The following BTBD7 variants were observed in gnomAD, a reference collection of about 807,000 sequenced individuals.
BTBD7 encodes BTB/POZ domain-containing protein 7.
A neutral mutation model predicts 99.9 loss-of-function variants in BTBD7; 38 were observed. The observed-to-expected ratio is 0.38, with a 90% CI of 0.29 to 0.50. BTBD7 has a LOEUF of 0.50. Among genes scored for constraint, BTBD7 ranks in the 20% least tolerant of loss-of-function variants. BTBD7 has a pLI of 0.93. For missense variants in BTBD7, 1,170 were observed against 1,394.6 expected, an observed-to-expected ratio of 0.84 and a Z score of 2.57; for synonymous variants, 520 against 511.4, an observed-to-expected ratio of 1.02 and a Z score of -0.23.
In BTBD7 at chr14:93,239,427, A is replaced by G. The variant is rs2052195335; in HGVS notation, c.*2846T>C. 6.6e-6 allele frequency: 1 copy of G among 151,202 alleles called. No individual in the cohort carries two copies. Among genetic ancestry groups the G allele is most frequent in the Non-Finnish European group, 1.5e-5 (1 of 67,852 alleles). 9.4% of individuals were successfully genotyped at this position (151,202 alleles called of 1,614,324 possible). ...TAAAATGCCAGTTCCCATGGCCTAA[A>G]TTTTATTTTATATATATATATGCTT... On this transcript the variant is annotated 3_prime_UTR_variant, in exon 11 of 11. Transcript: ENST00000334746.
At chr14:93,288,355 T>C in intron 3 of BTBD7, 1 of 610,840 alleles carries the variant, frequency 1.6e-6, no homozygotes, top group South Asian at 2.0e-5. Flanking sequence ...TTATTTACTT[T>C]CTAGATTTCC....
At chr14:93,312,249 T>C (rs1357596542) in intron 1 of BTBD7, among the ~76,000 whole-genome samples, 1 of 152,174 alleles carries the variant, frequency 6.6e-6, no homozygotes, top group Non-Finnish European at 1.5e-5. Context: ...CCCACATTCT[T>C]GATAATTAAA....
Position 93,297,295 on chromosome 14 carries a change from T to C in BTBD7, c.-106-1138A>G, listed in dbSNP as rs1349282483. 2.6e-5 allele frequency among the ~76,000 whole-genome samples: 4 copies of C among 152,250 alleles called. No homozygotes were observed. The East Asian group carries it at 7.7e-4, about 29-fold the overall frequency. ...AATATCGTTAACATTTGTGTTTTCC[T>C]ACAATCTTTTATAGACTATATTTAT... On this transcript the variant is annotated intron_variant, in intron 1 of 10. Transcript: ENST00000334746.
At chr14:93,288,647 G>T in intron 3 of BTBD7, 2 of 1,308,802 alleles carry the variant, frequency 1.5e-6, no homozygotes, top group Non-Finnish European at 2.2e-6. Flanking sequence ...TTAAGATTGA[G>T]GCAGTAAGCA....
In BTBD7 at chr14:93,253,725, T is replaced by G. The variant is rs2052395165; in HGVS notation, c.1674A>C (p.Ser558=). The G allele has an allele frequency of 6.2e-7, 1 of 1,613,460 alleles. No individual in the cohort carries two copies. Among genetic ancestry groups the G allele is most frequent in the Admixed American group, 1.7e-5 (1 of 59,998 alleles). Residue 558 remains serine, a synonymous_variant, in exon 7 of 11, where the codon TCA becomes TCC. Coordinates refer to ENST00000334746, the MANE Select transcript of BTBD7 (RefSeq NM_001002860.4). ...DMLPTTEGGK[S]NAWLRQKNAG... ...CATTTTTTTGCCGTAACCAGGCATTTGACTTCCCACCTTCTGTTGTAGGAA... is the reference window on the plus strand; with the variant it reads ...CATTTTTTTGCCGTAACCAGGCATTGGACTTCCCACCTTCTGTTGTAGGAA...
chr14:93,292,759 C>A (rs146156849), intron 3 of BTBD7, among the ~76,000 whole-genome samples: 6 of 152,278 alleles, frequency 3.9e-5, no homozygotes, highest in African/African-American at 1.4e-4. Context: ...TGACCTCAAG[C>A]GGTCTTCCTG....
intron 10 of BTBD7, among the ~76,000 whole-genome samples, chr14:93,243,715 T>C (rs984769031): frequency 2.3e-4 from 35 of 152,222 alleles, no homozygotes; most frequent in Non-Finnish European, 1.2e-4. Flanking sequence ...CAATGAACCA[T>C]TACTTAATCA....
At chr14:93,265,571 T>C (rs2052532849) in intron 3 of BTBD7, among the ~76,000 whole-genome samples, 1 of 152,240 alleles carries the variant, frequency 6.6e-6, no homozygotes. Context: ...GAACCATTCA[T>C]AAACAGCACT....
chr14:93,321,365 G>A (rs965372595), intron 1 of BTBD7, among the ~76,000 whole-genome samples: 7 of 152,180 alleles, frequency 4.6e-5, no homozygotes, highest in Non-Finnish European at 7.3e-5. Context: ...GGCCTAGGCG[G>A]GTGGATCGCT....
At chr14:93,244,505 C>T (rs866197626) in intron 10 of BTBD7, among the ~76,000 whole-genome samples, 12 of 151,986 alleles carry the variant, frequency 7.9e-5, no homozygotes, top group East Asian at 1.9e-4. Context: ...AAAAATTAGC[C>T]GGGCGTGGTG....
At chr14:93,263,380 T>C (rs911474470) in intron 4 of BTBD7, among the ~76,000 whole-genome samples, 1 of 152,204 alleles carries the variant, frequency 6.6e-6, no homozygotes, top group African/African-American at 2.4e-5. Flanking sequence ...AGATCAGAAA[T>C]TGAATATTAT....
At chr14:93,284,312 A>G (rs557286255) in intron 3 of BTBD7, among the ~76,000 whole-genome samples, 1 of 152,330 alleles carries the variant, frequency 6.6e-6, no homozygotes, top group African/African-American at 2.4e-5. Flanking sequence ...TAAATGGTAG[A>G]GAGTTATACC....
intron 8 of BTBD7, among the ~76,000 whole-genome samples, chr14:93,249,664 T>A (rs1466329298): frequency 1.3e-5 from 2 of 152,242 alleles, no homozygotes; most frequent in African/African-American, 4.8e-5. Flanking sequence ...GGCTGTTGTA[T>A]GGGAGTTAAG....
chr14:93,296,830 T>C (rs1015629025), intron 1 of BTBD7, among the ~76,000 whole-genome samples: 29 of 152,302 alleles, frequency 1.9e-4, no homozygotes, highest in Non-Finnish European at 3.5e-4. Flanking sequence ...CTTTCTATTA[T>C]GTGATATGAT....
chr14:93,313,683 C>CAT (rs1470104841), intron 1 of BTBD7, among the ~76,000 whole-genome samples: 1 of 78,712 alleles, frequency 1.3e-5, no homozygotes, highest in Non-Finnish European at 2.9e-5. Flanking sequence ...TGAAACTACA[C>CAT]ACACACACAC....
At chr14:93,315,081 C>G (rs2053183470) in intron 1 of BTBD7, among the ~76,000 whole-genome samples, 1 of 152,008 alleles carries the variant, frequency 6.6e-6, no homozygotes, top group Non-Finnish European at 1.5e-5. Flanking sequence ...TTCTGGGTTT[C>G]CTCCTTCTTA....
rs1434351875 is a variant in BTBD7 at position 93,242,152 on chromosome 14, G to T, written c.*121C>A. On this transcript the variant is annotated 3_prime_UTR_variant, in exon 11 of 11. Transcript: ENST00000334746. ...TAAACACATATATACACAAAAACTAGAACAAAATCATGTGAAACCGAGTTA... is the reference window on the plus strand; with the variant it reads ...TAAACACATATATACACAAAAACTATAACAAAATCATGTGAAACCGAGTTA... The T allele has an allele frequency of 4.5e-6, 4 of 893,538 alleles. No individual in the cohort carries two copies. In the African/African-American group the frequency reaches 5.1e-5, roughly 11 times the overall value. 55.4% of individuals were successfully genotyped at this position (893,538 alleles called of 1,614,324 possible). A position where few individuals can be genotyped will look rare whatever the true frequency, so the allele number is the denominator to read the frequency against.
chr14:93,249,266 CAAAAAAAAAAAA>C (rs56893984), intron 8 of BTBD7, among the ~76,000 whole-genome samples: 5,088 of 26,324 alleles, frequency 0.19, 303 homozygotes, highest in South Asian at 0.32. Flanking sequence ...ACCAGATAGG[CAAAAAAAAAAAA>C]AAAAAAAAAA....
At chr14:93,286,957 G>A (rs1390314711) in intron 3 of BTBD7, among the ~76,000 whole-genome samples, 2 of 151,322 alleles carry the variant, frequency 1.3e-5, no homozygotes, top group African/African-American at 4.9e-5. Flanking sequence ...TTAATTCTGG[G>A]CCAGGCATGG....
Sources: gnomAD v4.1 joint callset for allele counts (sites outside exome capture counted in the v4.1 genomes callset) on GRCh38, gnomAD v4.1.1 for gene constraint, MANE v1.5 for transcripts, NCBI Gene and HGNC (gene_info 2026-07-23, HGNC 2026-07-21) for gene names.